The following HECTD2 variants were observed in gnomAD, a reference collection of about 807,000 sequenced individuals.
HECTD2 encodes the protein probable E3 ubiquitin-protein ligase HECTD2.
Under a neutral mutation model 103.2 loss-of-function variants are expected in HECTD2, and 35 were observed. That is an observed-to-expected ratio of 0.34 (90% CI 0.26 to 0.45). The LOEUF is 0.45. Ranked by LOEUF, HECTD2 falls within the 20% of genes least tolerant of loss-of-function variation. HECTD2 has a pLI of 1.00. For missense variants in HECTD2, 596 were observed against 937.4 expected, an observed-to-expected ratio of 0.64 and a Z score of 4.76; for synonymous variants, 281 against 329.9, an observed-to-expected ratio of 0.85 and a Z score of 1.61.
chr10:91,507,339 C>G (rs1234964665), intron 20 of HECTD2, among the ~76,000 whole-genome samples: 1 of 151,526 alleles, frequency 6.6e-6, no homozygotes, highest in Non-Finnish European at 1.5e-5. Flanking sequence ...CAAATTGTCC[C>G]TGTTTGCAGA....
intron 20 of HECTD2, 30 bp from the exon 21 acceptor site, chr10:91,512,234 T>C: frequency 6.2e-7 from 1 of 1,605,848 alleles, no homozygotes; most frequent in Non-Finnish European, 8.5e-7. Context: ...GTTTCAAGAC[T>C]TAGTATTTTT....
At position 91,451,451 on chromosome 10, in the gene HECTD2, A is replaced by G. The variant is rs60167819; in HGVS notation, c.269-8976A>G. ...AGGTTGATGGGTGCCGGAAACCACC[A>G]TGGCATATGTATACCTATGTAACAA... On this transcript the variant is annotated intron_variant, in intron 2 of 20. Transcript: ENST00000298068. Among the ~76,000 whole-genome samples, 906 of 152,162 alleles carry G rather than the reference A, an allele frequency of 6.0e-3. 4 individuals are homozygous for G. The highest frequency in any genetic ancestry group is 0.021 in the African/African-American group (871 of 41,510).
intron 20 of HECTD2, among the ~76,000 whole-genome samples, chr10:91,504,908 A>G (rs551189495): frequency 1.1e-4 from 17 of 152,390 alleles, no homozygotes; most frequent in Non-Finnish European, 2.2e-4. Flanking sequence ...AGAGAAGCCC[A>G]TCAGACTAAC....
chr10:91,503,215 A>G (rs1421313492), intron 20 of HECTD2, among the ~76,000 whole-genome samples: 1 of 152,216 alleles, frequency 6.6e-6, no homozygotes, highest in East Asian at 1.9e-4. Flanking sequence ...ATGAGATACC[A>G]TCTCACAGCG....
At chr10:91,478,653 C>A (rs1458365532) in intron 6 of HECTD2, among the ~76,000 whole-genome samples, 3 of 151,986 alleles carry the variant, frequency 2.0e-5, no homozygotes, top group African/African-American at 7.2e-5. Context: ...ATTATAGGGA[C>A]GCCTAAGGCC....
intron 20 of HECTD2, 94 bp from the exon 21 acceptor site, chr10:91,512,170 T>C: frequency 7.7e-7 from 1 of 1,303,524 alleles, no homozygotes; most frequent in South Asian, 1.3e-5. Flanking sequence ...GAAATAGATT[T>C]GAATGTGTGT....
intron 1 of HECTD2, among the ~76,000 whole-genome samples, chr10:91,413,598 G>A (rs965754971): frequency 1.3e-5 from 2 of 152,210 alleles, no homozygotes; most frequent in African/African-American, 4.8e-5. Flanking sequence ...TACCAAGATT[G>A]AAACTTGACA....
intron 2 of HECTD2, among the ~76,000 whole-genome samples, chr10:91,444,305 T>C (rs1356272920): frequency 2.0e-5 from 3 of 152,164 alleles, no homozygotes; most frequent in South Asian, 2.1e-4. Context: ...AGAGTGAAAT[T>C]TGAATTAGTA....
intron 2 of HECTD2, among the ~76,000 whole-genome samples, chr10:91,425,697 G>A (rs1451846913): frequency 6.6e-6 from 1 of 150,830 alleles, no homozygotes; most frequent in Non-Finnish European, 1.5e-5. Context: ...ATAAATGTAT[G>A]TATACAAATA....
At chr10:91,503,604 C>A (rs180682097) in intron 20 of HECTD2, among the ~76,000 whole-genome samples, 1,900 of 152,350 alleles carry the variant, frequency 0.012, 37 homozygotes, top group South Asian at 0.055. Context: ...AGATTATATC[C>A]CGCACTTGGC....
chr10:91,453,079 G>A (rs1030938816), intron 2 of HECTD2, among the ~76,000 whole-genome samples: 1 of 152,036 alleles, frequency 6.6e-6, no homozygotes, highest in Non-Finnish European at 1.5e-5. Context: ...ATTATATTTG[G>A]TAGTTGAAAC....
At chr10:91,481,859 T>C (rs1400919822) in intron 7 of HECTD2, among the ~76,000 whole-genome samples, 1 of 151,806 alleles carries the variant, frequency 6.6e-6, no homozygotes, top group Non-Finnish European at 1.5e-5. Flanking sequence ...ATAAGTATAG[T>C]GTTTAGTACA....
In HECTD2 at chr10:91,481,121, A is replaced by T; in HGVS notation, c.693A>T (p.Ala231=). Residue 231 remains alanine, a synonymous_variant, in exon 7 of 21, where the codon GCA becomes GCT. Transcript: ENST00000298068. ...KGPRTKDDLR[A]YFILLQNPQF... ...CACGAACAAAAGATGATCTTAGAGCATATTTTATACTTTTACAGGTAAGAG... is the reference window on the plus strand; with the variant it reads ...CACGAACAAAAGATGATCTTAGAGCTTATTTTATACTTTTACAGGTAAGAG... The T allele has an allele frequency of 2.6e-6, 4 of 1,530,168 alleles. No individual in the cohort carries two copies. The highest frequency in any genetic ancestry group is 3.6e-6 in the Non-Finnish European group (4 of 1,121,324). 94.8% of individuals were successfully genotyped at this position (1,530,168 alleles called of 1,614,324 possible). A position where few individuals can be genotyped will look rare whatever the true frequency, so the allele number is the denominator to read the frequency against.
chr10:91,488,391 TC>T (rs1846343700), intron 11 of HECTD2: 1 of 152,222 alleles, frequency 6.6e-6, no homozygotes, highest in African/African-American at 2.4e-5. Flanking sequence ...CCACTTCCTA[TC>T]CCTTGTGTTT....
intron 2 of HECTD2, among the ~76,000 whole-genome samples, chr10:91,454,138 C>T (rs1283203466): frequency 3.9e-5 from 6 of 152,054 alleles, no homozygotes; most frequent in Non-Finnish European, 8.8e-5. Context: ...AGAAAATCAA[C>T]AAGTATGTAG....
chr10:91,419,626 TAGAG>T (rs1843270033), intron 1 of HECTD2, among the ~76,000 whole-genome samples: 2 of 152,206 alleles, frequency 1.3e-5, no homozygotes, highest in African/African-American at 4.8e-5. Flanking sequence ...AGCCTCTGCC[TAGAG>T]AGTCAGGTCT....
chr10:91,419,808 C>G (rs1843277812), intron 1 of HECTD2, among the ~76,000 whole-genome samples: 1 of 152,254 alleles, frequency 6.6e-6, no homozygotes, highest in Non-Finnish European at 1.5e-5. Context: ...TCCTCAACAC[C>G]CCCAGCCCAC....
At chr10:91,420,980 A>G (rs1349984434) in intron 1 of HECTD2, among the ~76,000 whole-genome samples, 1 of 152,174 alleles carries the variant, frequency 6.6e-6, no homozygotes, top group African/African-American at 2.4e-5. Context: ...GGAACATTAG[A>G]TGGCAGCCAT....
At chr10:91,506,722 T>G (rs1847196997) in intron 20 of HECTD2, among the ~76,000 whole-genome samples, 1 of 152,026 alleles carries the variant, frequency 6.6e-6, no homozygotes, top group Non-Finnish European at 1.5e-5. Context: ...CCATTCCTTC[T>G]GAAACTATTC....
Sources: allele counts gnomAD v4.1 joint callset (sites outside exome capture counted in the v4.1 genomes callset), GRCh38; gene constraint gnomAD v4.1.1; transcripts MANE v1.5; gene names NCBI Gene and HGNC (gene_info 2026-07-23, HGNC 2026-07-21).